Variants in SEC11C observed in about 807,000 individuals in gnomAD.
SEC11C encodes SEC11 homolog C, signal peptidase complex subunit.
SEC11C carries 10 observed loss-of-function variants against 21.9 expected under a neutral mutation model. The observed-to-expected ratio is 0.46, with a 90% confidence interval of 0.28 to 0.77. The LOEUF is 0.77. Ranked by LOEUF, SEC11C falls within the 30% of genes least tolerant of loss-of-function variation. The probability of loss-of-function intolerance (pLI) is 0.12; values close to 1 mark genes in which losing one functional copy is unlikely to be tolerated. For missense variants in SEC11C, 145 were observed against 244.5 expected (o/e 0.59, Z 2.71); for synonymous variants, 83 against 85.6 (o/e 0.97, Z 0.17).
At chr18:59,151,304 T>C (rs1411402751) in intron 2 of SEC11C, among the ~76,000 whole-genome samples, 1 of 142,368 alleles carries the variant, frequency 7.0e-6, no homozygotes, top group African/African-American at 2.7e-5. Flanking sequence ...GATGAAATTA[T>C]CTTAAGCATT....
chr18:59,157,223 A>G (rs2069428215), intron 4 of SEC11C: 1 of 171,750 alleles, frequency 5.8e-6, no homozygotes, highest in Non-Finnish European at 1.2e-5. Context: ...CAAACTCATT[A>G]TTCATGTACT....
intron 3 of SEC11C, among the ~76,000 whole-genome samples, chr18:59,154,958 C>G (rs1022219208): frequency 2.6e-5 from 4 of 152,056 alleles, no homozygotes; most frequent in Non-Finnish European, 5.9e-5. Context: ...CCCAGCTACT[C>G]AGAGACGGAG....
At chr18:59,154,533 C>G (rs1261888221) in intron 3 of SEC11C, among the ~76,000 whole-genome samples, 1 of 152,220 alleles carries the variant, frequency 6.6e-6, no homozygotes, top group Non-Finnish European at 1.5e-5. Context: ...CCACATGTCT[C>G]TTTAACACAC....
At chr18:59,142,679 G>A (rs190523512) in intron 1 of SEC11C, among the ~76,000 whole-genome samples, 8 of 152,180 alleles carry the variant, frequency 5.3e-5, no homozygotes, top group Middle Eastern at 3.4e-3. Flanking sequence ...CTCTTCTAAC[G>A]GCTCACTTCT....
intron 3 of SEC11C, among the ~76,000 whole-genome samples, chr18:59,154,493 A>C (rs777072353): frequency 6.6e-6 from 1 of 152,178 alleles, no homozygotes; most frequent in Non-Finnish European, 1.5e-5. Flanking sequence ...AGGCTATCTG[A>C]GTACCAGTTT....
Position 59,158,809 on chromosome 18 carries a change from C to T in SEC11C, c.*124C>T, listed in dbSNP as rs546490332. ...CAGTGTGGAGATGTTTTTGTCTTGT[C>T]CAAATAAAAGATTCACCAGTAAAGA... On this transcript the variant is annotated 3_prime_UTR_variant, in exon 6 of 6. Transcript: ENST00000587834. The T allele has an allele frequency of 1.2e-6, 1 of 804,110 alleles. No homozygotes were observed. Among genetic ancestry groups the T allele is most frequent in the East Asian group, 2.7e-5 (1 of 37,636 alleles). The allele number at this position is 804,110 out of a possible 1,614,324, so 49.8% of individuals were successfully genotyped here. A position where few individuals can be genotyped will look rare whatever the true frequency, so the allele number is the denominator to read the frequency against.
chr18:59,144,408 A>G (rs1432865958), intron 1 of SEC11C, among the ~76,000 whole-genome samples: 3 of 152,206 alleles, frequency 2.0e-5, no homozygotes, highest in African/African-American at 7.2e-5. Flanking sequence ...TAGTATTAAC[A>G]ACAACAATAA....
intron 2 of SEC11C, 81 bp downstream of exon 2, chr18:59,149,703 T>A: frequency 1.4e-6 from 1 of 693,874 alleles, no homozygotes; most frequent in East Asian, 2.6e-5. Context: ...CAGCCTTAAG[T>A]GAAAACCTGC....
chr18:59,149,681 TGAG>T, intron 2 of SEC11C, 59 bp downstream of exon 2: 1 of 1,080,670 alleles, frequency 9.3e-7, no homozygotes, highest in Non-Finnish European at 1.4e-6. Context: ...GCCTTGGGCC[TGAG>T]GAGCGGGGCA....
intron 2 of SEC11C, among the ~76,000 whole-genome samples, chr18:59,151,862 A>G (rs971706238): frequency 6.6e-6 from 1 of 152,234 alleles, no homozygotes; most frequent in African/African-American, 2.4e-5. Context: ...TTCAGCTTCC[A>G]GCATATCGCA....
chr18:59,150,977 A>G (rs2069344826), intron 2 of SEC11C, among the ~76,000 whole-genome samples: 1 of 151,992 alleles, frequency 6.6e-6, no homozygotes, highest in African/African-American at 2.4e-5. Flanking sequence ...TTTTTTTTAA[A>G]GCATCCTTTG....
At chr18:59,142,151 G>C (rs1004204511) in intron 1 of SEC11C, among the ~76,000 whole-genome samples, 15 of 152,118 alleles carry the variant, frequency 9.9e-5, no homozygotes, top group African/African-American at 3.6e-4. Context: ...CTGATTCGTA[G>C]GTTTCTTAAA....
In SEC11C at chr18:59,158,759, G is replaced by A; in HGVS notation, c.*74G>A. 2 of 1,272,208 alleles carry A rather than the reference G, an allele frequency of 1.6e-6. No individual in the cohort carries two copies. Among genetic ancestry groups the A allele is most frequent in the Non-Finnish European group, 2.3e-6 (2 of 873,180 alleles). 78.8% of individuals were successfully genotyped at this position (1,272,208 alleles called of 1,614,324 possible). A position where few individuals can be genotyped will look rare whatever the true frequency, so the allele number is the denominator to read the frequency against. ...AGAGAAAAACTAATATATTTGAGAT[G>A]TTCCATTTTCTGTATAAAAGGGAAC... On this transcript the variant is annotated 3_prime_UTR_variant, in exon 6 of 6. Transcript: ENST00000587834.
chr18:59,144,983 C>CT (rs5825315), intron 1 of SEC11C, among the ~76,000 whole-genome samples: 75,391 of 151,954 alleles, frequency 0.5, 19,587 homozygotes, highest in East Asian at 0.85. Context: ...GAATACTTAA[C>CT]TTTTGCCAAA....
At chr18:59,149,647 GCCTCCAA>G in intron 2 of SEC11C, 25 bp downstream of exon 2, 1 of 1,490,398 alleles carries the variant, frequency 6.7e-7, no homozygotes, top group Non-Finnish European at 9.4e-7. Flanking sequence ...CTGGCCTCCA[GCCTCCAA>G]CCTCCATCAC....
intron 1 of SEC11C, among the ~76,000 whole-genome samples, chr18:59,145,485 A>G (rs935836710): frequency 6.6e-6 from 1 of 152,178 alleles, no homozygotes; most frequent in East Asian, 1.9e-4. Flanking sequence ...CTTCTGGGTA[A>G]AGGCCCTGGG....
chr18:59,152,582 A>G lies in SEC11C; in HGVS notation c.244A>G (p.Thr82Ala). 1 of 1,613,058 alleles carries G rather than the reference A, an allele frequency of 6.2e-7. No homozygotes were observed. Among genetic ancestry groups the G allele is most frequent in the Non-Finnish European group, 8.5e-7 (1 of 1,179,818 alleles). ...AFHRGDLLFL[T>A]NFREDPIRAG... ...TCACAGAGGAGACCTCCTGTTCCTCACAAATTTCCGGGAAGACCCAATCAG... is the reference window on the plus strand; with the variant it reads ...TCACAGAGGAGACCTCCTGTTCCTCGCAAATTTCCGGGAAGACCCAATCAG... Residue 82 changes from threonine (T) to alanine (A), a missense_variant, in exon 3 of 6, where the codon ACA (threonine) becomes GCA (alanine). Transcript: ENST00000587834.
chr18:59,152,818 A>ATGCT (rs1349700661), intron 3 of SEC11C, 133 bp downstream of exon 3: 2 of 679,298 alleles, frequency 2.9e-6, no homozygotes, highest in Non-Finnish European at 4.8e-6. Flanking sequence ...TTTGGACCAA[A>ATGCT]TGCTTAACTC....
chr18:59,149,620 G>A lies in SEC11C; in HGVS notation c.195G>A (p.Leu65=). 2.5e-6 allele frequency: 4 copies of A among 1,603,016 alleles called. 1 individual carries two copies. Among genetic ancestry groups the A allele is most frequent in the South Asian group, 2.2e-5 (2 of 90,552 alleles). ...GTGAGAGCCCCATCGTGGTGGTGCT[G>A]AGGTAGGTCCCCCAGGCTGGCCTCC... ...TGSESPIVVV[L]SGSMEPAFHR... is the part of the protein sequence containing the mutation. The change falls in exon 2 of 6, where the codon CTG becomes CTA. Residue 65 remains leucine (L), a splice_region_variant and synonymous_variant. Coordinates refer to ENST00000587834, the MANE Select transcript of SEC11C (RefSeq NM_033280.4).
Sources: gnomAD v4.1 joint callset for allele counts (sites outside exome capture counted in the v4.1 genomes callset) on GRCh38, gnomAD v4.1.1 for gene constraint, MANE v1.5 for transcripts, NCBI Gene and HGNC (gene_info 2026-07-23, HGNC 2026-07-21) for gene names.